RELCH: variants seen among roughly 807,000 people sequenced by gnomAD.
The protein encoded by RELCH is RAB11-binding protein RELCH.
Under a neutral mutation model 150.3 loss-of-function variants are expected in RELCH, and 41 were observed. That is an observed-to-expected ratio of 0.27 (90% CI 0.21 to 0.35). The LOEUF (loss-of-function observed/expected upper bound fraction) is 0.35. Among genes scored for constraint, RELCH ranks in the 10% least tolerant of loss-of-function variants. The pLI is 1.00. For missense variants in RELCH, 1,092 were observed against 1,467.8 expected (o/e 0.74, Z 4.18); for synonymous variants, 478 against 531.8 (o/e 0.90, Z 1.39).
chr18:62,295,324 T>G (rs1057096631), intron 27 of RELCH, among the ~76,000 whole-genome samples: 5 of 151,446 alleles, frequency 3.3e-5, no homozygotes, highest in African/African-American at 9.7e-5. Context: ...GTGTGTTTTT[T>G]TTTTTTTTTT....
At chr18:62,302,106 G>A (rs1004393099) in intron 28 of RELCH, among the ~76,000 whole-genome samples, 13 of 152,330 alleles carry the variant, frequency 8.5e-5, no homozygotes, top group Admixed American at 4.6e-4. Context: ...TATTTCAGAT[G>A]TGAACTCAAT....
intron 20 of RELCH, among the ~76,000 whole-genome samples, 154 bp downstream of exon 20, chr18:62,269,102 GAAT>G (rs1189729310): frequency 6.6e-6 from 1 of 152,054 alleles, no homozygotes; most frequent in African/African-American, 2.4e-5. Flanking sequence ...TAGCATATTT[GAAT>G]AATAAGGGCC....
intron 1 of RELCH, 73 bp from the exon 2 acceptor site, chr18:62,211,080 C>A (rs1200361504): frequency 8.2e-6 from 6 of 735,216 alleles, no homozygotes; most frequent in Non-Finnish European, 1.1e-5. Flanking sequence ...TGGAAATAAT[C>A]ATAAGTATTT....
At chr18:62,278,729 A>G (rs2044346981) in intron 22 of RELCH, among the ~76,000 whole-genome samples, 1 of 152,168 alleles carries the variant, frequency 6.6e-6, no homozygotes, top group Non-Finnish European at 1.5e-5. Flanking sequence ...ATTCAGTAAT[A>G]TTTATCAAAC....
chr18:62,235,889 A>G (rs2041853877), intron 10 of RELCH, among the ~76,000 whole-genome samples: 1 of 152,032 alleles, frequency 6.6e-6, no homozygotes, highest in African/African-American at 2.4e-5. Context: ...GAATCATGTC[A>G]TCTGCACGTA....
intron 28 of RELCH, among the ~76,000 whole-genome samples, chr18:62,302,280 C>T (rs530269900): frequency 6.6e-6 from 1 of 152,252 alleles, no homozygotes; most frequent in South Asian, 2.1e-4. Context: ...GGTAGAGAAA[C>T]ACTATAGGCA....
intron 11 of RELCH, chr18:62,245,881 G>T (rs2042385594): frequency 6.6e-6 from 1 of 152,112 alleles, no homozygotes; most frequent in South Asian, 2.1e-4. Flanking sequence ...AGTGGAAGGG[G>T]GAGGGAGTGA....
intron 8 of RELCH, 126 bp downstream of exon 8, chr18:62,228,724 C>A: frequency 1.4e-6 from 1 of 695,054 alleles, no homozygotes; most frequent in Non-Finnish European, 2.3e-6. Context: ...TTATATTTGA[C>A]ATGAACTTAA....
chr18:62,270,142 C>T (rs146315737), intron 20 of RELCH, among the ~76,000 whole-genome samples: 1 of 152,286 alleles, frequency 6.6e-6, no homozygotes, highest in Non-Finnish European at 1.5e-5. Flanking sequence ...TCTGTCTCCA[C>T]ATGGCTTCTG....
At chr18:62,263,193 A>G (rs28557118) in intron 16 of RELCH, among the ~76,000 whole-genome samples, 15,261 of 152,084 alleles carry the variant, frequency 0.1, 915 homozygotes, top group East Asian at 0.19. Flanking sequence ...ACTTAAACAT[A>G]AAAATTTGGG....
chr18:62,210,920 T>C (rs1042144970), intron 1 of RELCH, among the ~76,000 whole-genome samples: 4 of 152,222 alleles, frequency 2.6e-5, no homozygotes, highest in African/African-American at 9.6e-5. Context: ...GCTTGCAATA[T>C]TCCCTGTGTG....
chr18:62,279,750 A>C, intron 22 of RELCH, 24 bp from the exon 23 acceptor site: 1 of 1,478,966 alleles, frequency 6.8e-7, no homozygotes, highest in Non-Finnish European at 9.1e-7. Flanking sequence ...TCACCTGTGA[A>C]TACCCCCTGT....
chr18:62,238,560 A>T (rs1284735731), intron 10 of RELCH, among the ~76,000 whole-genome samples: 1 of 152,074 alleles, frequency 6.6e-6, no homozygotes, highest in Non-Finnish European at 1.5e-5. Flanking sequence ...TGGTAATCAT[A>T]CATCAAAATG....
chr18:62,203,834 A>G (rs1465230566), intron 1 of RELCH, among the ~76,000 whole-genome samples: 1 of 152,132 alleles, frequency 6.6e-6, no homozygotes, highest in Admixed American at 6.6e-5. Flanking sequence ...TTAAAAAGTT[A>G]GTCAGCAATG....
chr18:62,261,754 A>G (rs1411664639), intron 16 of RELCH, 96 bp downstream of exon 16: 11 of 1,038,110 alleles, frequency 1.1e-5, no homozygotes, highest in Non-Finnish European at 1.1e-5. Flanking sequence ...ATCACTTTAT[A>G]TGACAGCATA....
intron 25 of RELCH, among the ~76,000 whole-genome samples, chr18:62,283,681 C>T (rs146995370): frequency 2.7e-4 from 41 of 152,164 alleles, no homozygotes; most frequent in Non-Finnish European, 5.3e-4. Context: ...AGCCAACTAA[C>T]AGAAGAAAGT....
chr18:62,259,416 T>TATATAACC (rs1314758933), intron 15 of RELCH, among the ~76,000 whole-genome samples: 1 of 151,484 alleles, frequency 6.6e-6, no homozygotes, highest in Non-Finnish European at 1.5e-5. Flanking sequence ...CTTAGGAATA[T>TATATAACC]ATATAACCAA....
chr18:62,244,250 A>G (rs1456275927), intron 10 of RELCH, among the ~76,000 whole-genome samples: 3 of 152,294 alleles, frequency 2.0e-5, no homozygotes, highest in Non-Finnish European at 2.9e-5. Context: ...TTCAACATCT[A>G]TGAAAATGGT....
At chr18:62,203,789 T>A (rs944679637) in intron 1 of RELCH, among the ~76,000 whole-genome samples, 1 of 152,140 alleles carries the variant, frequency 6.6e-6, no homozygotes, top group African/African-American at 2.4e-5. Flanking sequence ...AACACCAGCC[T>A]GGGCAACATA....
Sources: allele counts gnomAD v4.1 joint callset (sites outside exome capture counted in the v4.1 genomes callset), GRCh38; gene constraint gnomAD v4.1.1; transcripts MANE v1.5; gene names NCBI Gene and HGNC (gene_info 2026-07-23, HGNC 2026-07-21).